LRMDA: variants seen among roughly 807,000 people sequenced by gnomAD.
LRMDA encodes the protein leucine rich melanocyte differentiation associated.
In LRMDA, 18 loss-of-function variants were observed where a neutral mutation model predicts 29.8. The observed-to-expected ratio is 0.60, with a 90% CI of 0.42 to 0.90. The LOEUF (loss-of-function observed/expected upper bound fraction) is 0.90. LRMDA is among the 40% of genes least tolerant of loss of function. The pLI is 0.00. For missense variants in LRMDA, 273 were observed against 273.9 expected (o/e 1.00, Z 0.02); for synonymous variants, 125 against 109.4 (o/e 1.14, Z -0.89).
intron 2 of LRMDA, among the ~76,000 whole-genome samples, chr10:75,604,721 AT>A (rs1840934281): frequency 6.6e-6 from 1 of 152,190 alleles, no homozygotes. Flanking sequence ...CCAAAATACT[AT>A]GATTTTAAGA....
intron 2 of LRMDA, among the ~76,000 whole-genome samples, chr10:75,948,023 GA>G (rs1473008674): frequency 2.0e-5 from 3 of 152,184 alleles, no homozygotes; most frequent in African/African-American, 7.2e-5. Context: ...GGCCTTGAAT[GA>G]AATAAATTGT....
chr10:75,880,790 G>A (rs1845281122), intron 2 of LRMDA, among the ~76,000 whole-genome samples: 2 of 152,188 alleles, frequency 1.3e-5, no homozygotes, highest in South Asian at 4.1e-4. Flanking sequence ...CTTCCTGCAA[G>A]CCAAGAGGCA....
chr10:75,872,005 T>TTCC (rs1034989851), intron 2 of LRMDA, among the ~76,000 whole-genome samples: 2 of 152,230 alleles, frequency 1.3e-5, no homozygotes, highest in Non-Finnish European at 2.9e-5. Flanking sequence ...CATTGAGGCA[T>TTCC]TCCTCCTCCT....
At chr10:76,103,524 G>T (rs1345333646) in intron 5 of LRMDA, among the ~76,000 whole-genome samples, 1 of 152,170 alleles carries the variant, frequency 6.6e-6, no homozygotes, top group African/African-American at 2.4e-5. Context: ...TTGAACAAGG[G>T]CAGCATGATG....
At chr10:76,388,457 G>A (rs1472761958) in intron 6 of LRMDA, among the ~76,000 whole-genome samples, 1 of 152,182 alleles carries the variant, frequency 6.6e-6, no homozygotes, top group Non-Finnish European at 1.5e-5. Flanking sequence ...ATCTGTTTGG[G>A]CTAGGAGGAC....
chr10:76,135,466 T>C (rs1373400340), intron 5 of LRMDA, among the ~76,000 whole-genome samples: 1 of 152,212 alleles, frequency 6.6e-6, no homozygotes, highest in South Asian at 2.1e-4. Context: ...CTATTTGGTA[T>C]TCATTTTGAA....
At chr10:76,281,005 A>G (rs1840196619) in intron 5 of LRMDA, among the ~76,000 whole-genome samples, 1 of 152,208 alleles carries the variant, frequency 6.6e-6, no homozygotes, top group Non-Finnish European at 1.5e-5. Flanking sequence ...TATTTAGTCC[A>G]ACTCTCCACA....
chr10:76,080,374 G>A (rs1187785846), intron 5 of LRMDA, among the ~76,000 whole-genome samples: 2 of 152,304 alleles, frequency 1.3e-5, no homozygotes, highest in East Asian at 3.9e-4. Context: ...CAAACTTAGG[G>A]ATGGTCCTAT....
intron 5 of LRMDA, among the ~76,000 whole-genome samples, chr10:76,180,637 G>A (rs1851031084): frequency 1.3e-5 from 2 of 152,054 alleles, no homozygotes; most frequent in South Asian, 4.1e-4. Flanking sequence ...AGGCCACTAA[G>A]GAGAAGATCC....
In LRMDA at chr10:76,044,439, G is replaced by GTT. The variant is rs3042545; in HGVS notation, c.259-2709_259-2708dup. Among the ~76,000 whole-genome samples the GTT allele has an allele frequency of 8.8e-3, 1,200 of 136,978 alleles. 13 individuals are homozygous for GTT. Among genetic ancestry groups the GTT allele is most frequent in the Middle Eastern group, 0.032 (8 of 250 alleles). The allele number at this position is 136,978 out of a possible 152,430, so 89.9% of individuals were successfully genotyped here. On this transcript the variant is annotated intron_variant, in intron 3 of 6. Coordinates refer to ENST00000611255, the MANE Select transcript of LRMDA (RefSeq NM_001305581.2). ...TACTAGCAATGAGACTTTTTTCTTTGTTTTTTTTTTTTTTTTTCTTTTGTT... is the reference window on the plus strand; with the variant it reads ...TACTAGCAATGAGACTTTTTTCTTTGTTTTTTTTTTTTTTTTTTTCTTTTGTT...
intron 2 of LRMDA, among the ~76,000 whole-genome samples, chr10:75,587,269 T>C (rs1219145424): frequency 6.6e-6 from 1 of 152,174 alleles, no homozygotes; most frequent in Non-Finnish European, 1.5e-5. Flanking sequence ...CATAGTAGCT[T>C]TTGGTAGTGG....
intron 2 of LRMDA, among the ~76,000 whole-genome samples, chr10:75,753,659 G>A (rs1297196452): frequency 6.6e-6 from 1 of 152,196 alleles, no homozygotes; most frequent in Non-Finnish European, 1.5e-5. Flanking sequence ...AGCCTAGAAA[G>A]GAGTTTGGCT....
intron 5 of LRMDA, among the ~76,000 whole-genome samples, chr10:76,140,053 T>G (rs1276828150): frequency 2.0e-5 from 3 of 152,072 alleles, no homozygotes; most frequent in Non-Finnish European, 4.4e-5. Context: ...GACTTTTAAG[T>G]TTAAGCTCTG....
At chr10:76,097,545 A>G (rs1343165753) in intron 5 of LRMDA, among the ~76,000 whole-genome samples, 2 of 152,214 alleles carry the variant, frequency 1.3e-5, no homozygotes, top group Admixed American at 6.5e-5. Context: ...GTATGAAGTT[A>G]GCTATAGATT....
intron 2 of LRMDA, among the ~76,000 whole-genome samples, chr10:75,745,731 A>G (rs550542516): frequency 6.6e-6 from 1 of 152,314 alleles, no homozygotes; most frequent in South Asian, 2.1e-4. Flanking sequence ...CTATTCCAGC[A>G]ACGAACCCAG....
At chr10:75,436,050 T>C (rs1838370675) in intron 1 of LRMDA, among the ~76,000 whole-genome samples, 2 of 130,504 alleles carry the variant, frequency 1.5e-5, no homozygotes, top group African/African-American at 5.8e-5. Context: ...TGAAACCCCA[T>C]CTCTTTAAAA....
At chr10:76,072,564 A>G (rs1276891153) in intron 5 of LRMDA, among the ~76,000 whole-genome samples, 1 of 152,212 alleles carries the variant, frequency 6.6e-6, no homozygotes. Flanking sequence ...GCCCCAAGAG[A>G]AGTTTAACCA....
rs1843582476 is a variant in LRMDA at position 76,558,271 on chromosome 10, A to C, written c.*983A>C. The C allele has an allele frequency of 6.6e-6, 1 of 152,356 alleles. No individual in the cohort carries two copies. Among genetic ancestry groups the C allele is most frequent in the South Asian group, 2.1e-4 (1 of 4,826 alleles). 9.4% of individuals were successfully genotyped at this position (152,356 alleles called of 1,614,324 possible). A position where few individuals can be genotyped will look rare whatever the true frequency, so the allele number is the denominator to read the frequency against. ...GAGTGAAGGGTCAGGAGGTTAAAAA[A>C]CAAAATTAAGACTGTTGAAAACACC... On this transcript the variant is annotated 3_prime_UTR_variant, in exon 7 of 7. Transcript: ENST00000611255.
intron 5 of LRMDA, among the ~76,000 whole-genome samples, chr10:76,176,102 G>C (rs1850929123): frequency 6.6e-6 from 1 of 152,142 alleles, no homozygotes; most frequent in South Asian, 2.1e-4. Context: ...CCATTAAGCA[G>C]ACAGAACAGC....
Sources: gnomAD v4.1 joint callset for allele counts (sites outside exome capture counted in the v4.1 genomes callset) on GRCh38, gnomAD v4.1.1 for gene constraint, MANE v1.5 for transcripts, NCBI Gene and HGNC (gene_info 2026-07-23, HGNC 2026-07-21) for gene names.